Variants in FMN1 observed in about 807,000 individuals in gnomAD.
The protein encoded by FMN1 is formin 1, also known as formin-1.
Under a neutral mutation model 132.4 loss-of-function variants are expected in FMN1, and 110 were observed. The ratio of observed to expected loss-of-function variants is 0.83; its 90% CI spans 0.71 to 0.97. FMN1 has a LOEUF of 0.97. Ranked by LOEUF, FMN1 falls within the 50% of genes least tolerant of loss-of-function variation. The pLI, the probability that FMN1 is intolerant of heterozygous loss-of-function variation, is 0.00. For synonymous variants in FMN1, 722 were observed against 651.7 expected (o/e 1.11, Z -1.64); for missense variants, 1,792 against 1,705.3 (o/e 1.05, Z -0.90).
chr15:33,032,080 G>C (rs550483091), intron 6 of FMN1, among the ~76,000 whole-genome samples: 2 of 152,126 alleles, frequency 1.3e-5, no homozygotes, highest in African/African-American at 4.8e-5. Context: ...TGTGTTCTAC[G>C]AACCAGGAAT....
Position 32,810,237 on chromosome 15 carries a change from T to C in FMN1, c.3929-5905A>G, listed in dbSNP as rs927529063. Among the ~76,000 whole-genome samples, 7 of 152,158 alleles carry C rather than the reference T, an allele frequency of 4.6e-5. No individual in the cohort carries two copies. The East Asian group carries it at 9.6e-4, about 21-fold the overall frequency. ...CAGCCTTGTGTACTTATTTGACAGA[T>C]GGAAAAGTACACAACAGAAGAACCC... On this transcript the variant is annotated intron_variant, in intron 17 of 20. Coordinates refer to ENST00000616417, the MANE Select transcript of FMN1 (RefSeq NM_001277313.2).
At position 32,969,344 on chromosome 15, in the gene FMN1, T is replaced by C; in HGVS notation, c.2357A>G (p.Asp786Gly). ...GTCATCATCGGTGGAAATGCACACA[T>C]CTTTCCTCTCTTCACAACCCCCTCG... ...RWRGGCEERK[D>G]VCISTDDDCP... The change falls in exon 8 of 21, where the codon GAT becomes GGT. Residue 786 changes from aspartate (D) to glycine (G), a missense_variant. Asp to Gly is a moderately conservative substitution (Grantham distance 94). Coordinates refer to ENST00000616417, the MANE Select transcript of FMN1 (RefSeq NM_001277313.2). 6.2e-7 allele frequency: 1 copy of C among 1,614,008 alleles called. No individual in the cohort carries two copies. Among genetic ancestry groups the C allele is most frequent in the Non-Finnish European group, 8.5e-7 (1 of 1,179,898 alleles).
At chr15:33,127,851 A>T (rs1007186152) in intron 4 of FMN1, among the ~76,000 whole-genome samples, 6 of 152,216 alleles carry the variant, frequency 3.9e-5, no homozygotes, top group Admixed American at 3.9e-4. Flanking sequence ...TTGGTAAGAG[A>T]GAAGTGAGAC....
At chr15:33,001,543 C>T (rs918957501) in intron 7 of FMN1, among the ~76,000 whole-genome samples, 1 of 148,590 alleles carries the variant, frequency 6.7e-6, no homozygotes, top group African/African-American at 2.5e-5. Context: ...TGCGTCCCCC[C>T]TCATCCTCCT....
At chr15:33,109,270 G>C (rs1214595958) in intron 4 of FMN1, among the ~76,000 whole-genome samples, 1 of 152,044 alleles carries the variant, frequency 6.6e-6, no homozygotes, top group Non-Finnish European at 1.5e-5. Context: ...ATCCACTATA[G>C]TTTCCTTACT....
At chr15:33,101,621 A>G (rs1366036309) in intron 4 of FMN1, among the ~76,000 whole-genome samples, 1 of 152,130 alleles carries the variant, frequency 6.6e-6, no homozygotes, top group Non-Finnish European at 1.5e-5. Context: ...CACAAAATAA[A>G]TTCTATTTTA....
At chr15:33,040,581 G>C (rs989036229) in intron 6 of FMN1, among the ~76,000 whole-genome samples, 4 of 152,150 alleles carry the variant, frequency 2.6e-5, no homozygotes. Context: ...AATATGCTAG[G>C]TATTACTAAA....
intron 4 of FMN1, among the ~76,000 whole-genome samples, chr15:33,126,395 G>A (rs1566939094): frequency 1.3e-5 from 2 of 152,154 alleles, no homozygotes; most frequent in Non-Finnish European, 1.5e-5. Context: ...ACCAAAAGGA[G>A]CCTGGAGGCC....
chr15:33,127,727 G>C (rs1963234388), intron 4 of FMN1, among the ~76,000 whole-genome samples: 3 of 152,178 alleles, frequency 2.0e-5, no homozygotes, highest in Non-Finnish European at 2.9e-5. Context: ...TTTCAGGCAG[G>C]TTATATTGTA....
At chr15:33,058,045 G>T (rs1007215929) in intron 6 of FMN1, among the ~76,000 whole-genome samples, 1 of 148,308 alleles carries the variant, frequency 6.7e-6, no homozygotes, top group African/African-American at 2.5e-5. Context: ...GCGGGCTGGT[G>T]GTGGAAAGGT....
At chr15:32,803,156 T>A (rs2140999397) in intron 18 of FMN1, among the ~76,000 whole-genome samples, 1 of 152,318 alleles carries the variant, frequency 6.6e-6, no homozygotes, top group South Asian at 2.1e-4. Context: ...ATCTGTTTAT[T>A]TGCATTTAAA....
intron 19 of FMN1, among the ~76,000 whole-genome samples, chr15:32,794,376 A>C (rs1275315062): frequency 1.3e-5 from 2 of 152,182 alleles, no homozygotes; most frequent in Admixed American, 1.3e-4. Context: ...AGGGTGAATT[A>C]TATGCCCAGA....
chr15:32,836,766 A>C (rs940836321), intron 17 of FMN1, among the ~76,000 whole-genome samples: 1 of 152,144 alleles, frequency 6.6e-6, no homozygotes, highest in African/African-American at 2.4e-5. Flanking sequence ...GCCTATGTTA[A>C]ATAACATAGT....
intron 4 of FMN1, among the ~76,000 whole-genome samples, chr15:33,091,100 A>G (rs970335722): frequency 6.6e-6 from 1 of 152,196 alleles, no homozygotes; most frequent in African/African-American, 2.4e-5. Context: ...GCACAGAATA[A>G]TAAAACAATA....
At chr15:33,012,081 G>T in intron 6 of FMN1, 1 of 381,094 alleles carries the variant, frequency 2.6e-6, no homozygotes, top group South Asian at 2.9e-5. Context: ...TCAGTGGACA[G>T]CACCAAAGGA....
intron 17 of FMN1, among the ~76,000 whole-genome samples, chr15:32,853,240 A>T (rs1416113659): frequency 2.0e-5 from 3 of 152,206 alleles, no homozygotes; most frequent in Admixed American, 1.3e-4. Flanking sequence ...TTCTTTGCTG[A>T]AAGTCTTACC....
At chr15:33,051,572 T>G (rs1355813522) in intron 6 of FMN1, among the ~76,000 whole-genome samples, 1 of 152,176 alleles carries the variant, frequency 6.6e-6, no homozygotes, top group African/African-American at 2.4e-5. Flanking sequence ...AAACTGGTGA[T>G]CAGCAGCTTC....
At chr15:32,952,972 G>C (rs890778097) in intron 9 of FMN1, among the ~76,000 whole-genome samples, 1 of 152,098 alleles carries the variant, frequency 6.6e-6, no homozygotes, top group African/African-American at 2.4e-5. Flanking sequence ...TCTTTCCCTT[G>C]CAGTGAGAAG....
At chr15:32,888,411 T>C (rs1229207176) in intron 15 of FMN1, 119 bp from the exon 16 acceptor site, 8 of 828,892 alleles carry the variant, frequency 9.7e-6, no homozygotes, top group Non-Finnish European at 1.4e-5. Context: ...GTAAGAATCA[T>C]AGCAATGCTC....
Sources: gnomAD v4.1 joint callset for allele counts (sites outside exome capture counted in the v4.1 genomes callset) on GRCh38, gnomAD v4.1.1 for gene constraint, MANE v1.5 for transcripts, NCBI Gene and HGNC (gene_info 2026-07-23, HGNC 2026-07-21) for gene names.